The following NME7 variants were observed in gnomAD, a reference collection of about 807,000 sequenced individuals.
The protein encoded by NME7 is NME/NM23 family member 7, also known as nucleoside diphosphate kinase 7.
In NME7, 41 loss-of-function variants were observed where a neutral mutation model predicts 49.1. The ratio of observed to expected loss-of-function variants is 0.83; its 90% CI spans 0.65 to 1.08. The LOEUF is 1.08. Among genes scored for constraint, NME7 ranks in the 50% least tolerant of loss-of-function variants. The pLI is 0.00. For synonymous variants in NME7, 139 were observed against 150.6 expected, an observed-to-expected ratio of 0.92 and a Z score of 0.56; for missense variants, 423 against 463.4, an observed-to-expected ratio of 0.91 and a Z score of 0.80.
At chr1:169,168,844 T>A (rs1291935863) in intron 11 of NME7, 2 of 456,276 alleles carry the variant, frequency 4.4e-6, no homozygotes, top group Non-Finnish European at 8.8e-6. Flanking sequence ...ATTTCTAGGC[T>A]ACAAAGTTCA....
intron 10 of NME7, among the ~76,000 whole-genome samples, chr1:169,193,495 C>T (rs1399605751): frequency 1.3e-5 from 2 of 152,116 alleles, no homozygotes; most frequent in African/African-American, 4.8e-5. Context: ...TGTCCAAAAG[C>T]GGTAGTTTCC....
chr1:169,278,241 T>C (rs1344040937), intron 7 of NME7, among the ~76,000 whole-genome samples: 1 of 148,968 alleles, frequency 6.7e-6, no homozygotes, highest in African/African-American at 2.4e-5. Context: ...CCTGCCTTGC[T>C]CGTTTGGGGA....
chr1:169,187,689 C>T (rs1272162338), intron 10 of NME7, among the ~76,000 whole-genome samples: 1 of 152,106 alleles, frequency 6.6e-6, no homozygotes, highest in African/African-American at 2.4e-5. Flanking sequence ...ACTGATGGGT[C>T]TTGACTCTTT....
Position 169,296,601 on chromosome 1 carries a change from T to G in NME7, c.648+1955A>C, listed in dbSNP as rs563240269. On this transcript the variant is annotated intron_variant, in intron 6 of 11. Coordinates refer to ENST00000367811, the MANE Select transcript of NME7 (RefSeq NM_013330.5). ...TGCTGATAACTCTAAGCTGTCACAC[T>G]AATTTTTTTCATCAGTCTAATTGGA... Among the ~76,000 whole-genome samples, 8 of 152,296 alleles carry G rather than the reference T, an allele frequency of 5.3e-5. No individual in the cohort carries two copies. The East Asian group carries it at 1.5e-3, about 29-fold the overall frequency.
At position 169,313,592 on chromosome 1, in the gene NME7, C is replaced by T. The variant is rs114174541; in HGVS notation, c.279-3512G>A. Among the ~76,000 whole-genome samples, 303 of 152,224 alleles carry T rather than the reference C, an allele frequency of 2.0e-3. 4 individuals carry two copies. Among genetic ancestry groups the T allele is most frequent in the African/African-American group, 7.1e-3 (294 of 41,542 alleles). Reference sequence around the variant, plus strand: ...ACCTCAAATAATTCATATGAAAATGCATATCTCACATATATTATTTACATA... The same window carrying T: ...ACCTCAAATAATTCATATGAAAATGTATATCTCACATATATTATTTACATA... On this transcript the variant is annotated intron_variant, in intron 3 of 11. Coordinates refer to ENST00000367811, the MANE Select transcript of NME7 (RefSeq NM_013330.5).
chr1:169,338,957 A>G (rs1652581360), intron 1 of NME7, among the ~76,000 whole-genome samples: 2 of 152,140 alleles, frequency 1.3e-5, no homozygotes, highest in Admixed American at 6.5e-5. Flanking sequence ...TGTATTATAC[A>G]ATACAAATTG....
intron 5 of NME7, among the ~76,000 whole-genome samples, chr1:169,301,405 T>G (rs1427577526): frequency 6.6e-6 from 1 of 152,098 alleles, no homozygotes; most frequent in South Asian, 2.1e-4. Context: ...ATGGTTATTA[T>G]TAAAAAGTCA....
intron 10 of NME7, among the ~76,000 whole-genome samples, chr1:169,176,868 A>C (rs911977758): frequency 6.6e-6 from 1 of 152,166 alleles, no homozygotes; most frequent in Non-Finnish European, 1.5e-5. Flanking sequence ...CACATATACA[A>C]CTAAAATTTA....
intron 1 of NME7, among the ~76,000 whole-genome samples, chr1:169,339,806 C>G (rs890869694): frequency 2.6e-5 from 4 of 152,186 alleles, no homozygotes; most frequent in African/African-American, 2.4e-5. Context: ...ATGGGTTTGG[C>G]CAGTAGAAGC....
chr1:169,253,113 C>T (rs948160827), intron 7 of NME7, among the ~76,000 whole-genome samples: 3 of 152,066 alleles, frequency 2.0e-5, no homozygotes, highest in African/African-American at 7.2e-5. Context: ...GCATTGGTAG[C>T]TTGATGGGGA....
intron 6 of NME7, among the ~76,000 whole-genome samples, chr1:169,289,698 TA>T (rs2101897899): frequency 6.6e-6 from 1 of 152,266 alleles, no homozygotes; most frequent in South Asian, 2.1e-4. Flanking sequence ...TTTTTAAAAA[TA>T]AAAATGCCAG....
chr1:169,216,165 A>G (rs1660967977), intron 10 of NME7, among the ~76,000 whole-genome samples: 1 of 152,248 alleles, frequency 6.6e-6, no homozygotes, highest in Non-Finnish European at 1.5e-5. Context: ...CTTCAAAGTG[A>G]TAAGTACCTT....
intron 1 of NME7, among the ~76,000 whole-genome samples, chr1:169,337,008 T>C (rs946103884): frequency 2.0e-5 from 3 of 152,234 alleles, no homozygotes; most frequent in Non-Finnish European, 4.4e-5. Context: ...CCCAGCTGGC[T>C]TCACCCAGTG....
chr1:169,177,637 C>G (rs1317666055), intron 10 of NME7, among the ~76,000 whole-genome samples: 2 of 151,934 alleles, frequency 1.3e-5, no homozygotes, highest in African/African-American at 4.8e-5. Flanking sequence ...AAAAACTTCT[C>G]AACATAACCT....
intron 10 of NME7, among the ~76,000 whole-genome samples, chr1:169,182,521 C>A (rs72706922): frequency 6.6e-6 from 1 of 152,128 alleles, no homozygotes; most frequent in South Asian, 2.1e-4. Flanking sequence ...CACACAGATT[C>A]TATTTCTTTA....
intron 10 of NME7, among the ~76,000 whole-genome samples, chr1:169,214,729 T>G (rs1347710683): frequency 1.3e-5 from 2 of 152,218 alleles, no homozygotes; most frequent in African/African-American, 2.4e-5. Flanking sequence ...CAATGCCTTG[T>G]GGGAGGGCAT....
At chr1:169,182,538 C>A (rs1015745356) in intron 10 of NME7, among the ~76,000 whole-genome samples, 1 of 152,186 alleles carries the variant, frequency 6.6e-6, no homozygotes, top group Non-Finnish European at 1.5e-5. Context: ...TTTAGCATAG[C>A]ATTCTTTCCT....
chr1:169,270,938 C>A lies in NME7; in HGVS notation c.754+16365G>T, dbSNP rs1160989432. On this transcript the variant is annotated intron_variant, in intron 7 of 11. Coordinates refer to ENST00000367811, the MANE Select transcript of NME7 (RefSeq NM_013330.5). ...TTATGGATGGAATTAATAACTATAA[C>A]CTATAAACAATACTGAGAACATAAT... is the stretch of plus-strand genomic sequence containing the variant. 1.5e-5 allele frequency among the ~76,000 whole-genome samples: 2 copies of A among 133,600 alleles called. 1 individual carries two copies. Among genetic ancestry groups the A allele is most frequent in the African/African-American group, 5.1e-5 (2 of 39,556 alleles). The allele number at this position is 133,600 out of a possible 152,430, so 87.6% of individuals were successfully genotyped here.
At chr1:169,150,348 G>A (rs567432124) in intron 11 of NME7, among the ~76,000 whole-genome samples, 2 of 152,216 alleles carry the variant, frequency 1.3e-5, no homozygotes, top group South Asian at 4.2e-4. Context: ...AAAAGGTAAG[G>A]TATATTGTAA....
Sources: gnomAD v4.1 joint callset for allele counts (sites outside exome capture counted in the v4.1 genomes callset) on GRCh38, gnomAD v4.1.1 for gene constraint, MANE v1.5 for transcripts, NCBI Gene and HGNC (gene_info 2026-07-23, HGNC 2026-07-21) for gene names.